Variants in PRLR observed in about 807,000 individuals in gnomAD.
PRLR encodes hPRL receptor.
A neutral mutation model predicts 40.2 loss-of-function variants in PRLR; 13 were observed. The ratio of observed to expected loss-of-function variants is 0.32; its 90% CI spans 0.21 to 0.51. The LOEUF (loss-of-function observed/expected upper bound fraction) is 0.51. PRLR is among the 20% of genes least tolerant of loss of function. The pLI, the probability that PRLR is intolerant of heterozygous loss-of-function variation, is 0.97. For synonymous variants in PRLR, 269 were observed against 278.7 expected (o/e 0.97, Z 0.35); for missense variants, 656 against 747.3 (o/e 0.88, Z 1.42).
intron 2 of PRLR, among the ~76,000 whole-genome samples, chr5:35,113,878 G>A (rs967960534): frequency 2.2e-4 from 33 of 152,192 alleles, no homozygotes; most frequent in Admixed American, 7.9e-4. Context: ...GTATAGCTGG[G>A]TCTGGCAGAC....
chr5:35,171,050 T>G (rs1220766609), intron 1 of PRLR, among the ~76,000 whole-genome samples: 1 of 92,080 alleles, frequency 1.1e-5, no homozygotes, highest in African/African-American at 6.0e-5. Flanking sequence ...TTTTTCCCTG[T>G]TTTTTTTTTT....
At chr5:35,206,143 TA>T (rs977146668) in intron 1 of PRLR, among the ~76,000 whole-genome samples, 6 of 152,010 alleles carry the variant, frequency 3.9e-5, no homozygotes, top group Non-Finnish European at 8.8e-5. Context: ...TGGGTTAGAT[TA>T]AAAGGGGTTG....
intron 9 of PRLR, among the ~76,000 whole-genome samples, chr5:35,067,364 T>C (rs1355696933): frequency 6.6e-6 from 1 of 152,140 alleles, no homozygotes; most frequent in Non-Finnish European, 1.5e-5. Context: ...GCTGAGACAT[T>C]CATGCTGGTT....
intron 9 of PRLR, among the ~76,000 whole-genome samples, chr5:35,066,422 T>C (rs1034720608): frequency 4.7e-4 from 71 of 152,302 alleles, no homozygotes; most frequent in Non-Finnish European, 5.9e-4. Context: ...AAACCCACAG[T>C]GCTTATGCAT....
intron 5 of PRLR, among the ~76,000 whole-genome samples, chr5:35,073,181 A>C (rs1769862092): frequency 6.6e-6 from 1 of 152,222 alleles, no homozygotes; most frequent in Non-Finnish European, 1.5e-5. Context: ...TTTTTTGTAA[A>C]TGAACTATTC....
At chr5:35,137,852 T>C (rs991315725) in intron 1 of PRLR, among the ~76,000 whole-genome samples, 1 of 152,146 alleles carries the variant, frequency 6.6e-6, no homozygotes, top group Non-Finnish European at 1.5e-5. Flanking sequence ...GCAGATTCGC[T>C]TGAACCCGGG....
chr5:35,211,061 A>C (rs1418374144), intron 1 of PRLR, among the ~76,000 whole-genome samples: 1 of 152,202 alleles, frequency 6.6e-6, no homozygotes, highest in Non-Finnish European at 1.5e-5. Context: ...TTCTATACAA[A>C]GAAGGATTTT....
intron 6 of PRLR, 46 bp from the exon 7 acceptor site, chr5:35,070,311 T>G: frequency 6.2e-7 from 1 of 1,601,152 alleles, no homozygotes; most frequent in Middle Eastern, 1.8e-4. Context: ...ACATTTGTTG[T>G]GAAGAAAGAG....
chr5:35,083,068 TACACACACACAC>T (rs3836809), intron 5 of PRLR, among the ~76,000 whole-genome samples: 10 of 144,732 alleles, frequency 6.9e-5, no homozygotes, highest in Admixed American at 1.4e-4. Flanking sequence ...GGTAAGGCAA[TACACACACACAC>T]ACACACACAC....
At chr5:35,223,764 T>A (rs1194397025) in intron 1 of PRLR, among the ~76,000 whole-genome samples, 1 of 152,252 alleles carries the variant, frequency 6.6e-6, no homozygotes, top group African/African-American at 2.4e-5. Flanking sequence ...TCTGTCCACC[T>A]TCCCAACTAG....
chr5:35,178,646 C>T (rs13175591), intron 1 of PRLR, among the ~76,000 whole-genome samples: 43,700 of 151,872 alleles, frequency 0.29, 6,436 homozygotes, highest in Middle Eastern at 0.34. Flanking sequence ...CACTGAATTA[C>T]GAAATGGAAG....
chr5:35,116,130 G>T (rs1302663735), intron 2 of PRLR, among the ~76,000 whole-genome samples: 1 of 152,080 alleles, frequency 6.6e-6, no homozygotes, highest in Non-Finnish European at 1.5e-5. Flanking sequence ...TGGAGGCTGG[G>T]TGCAGGGGTC....
At chr5:35,149,657 T>C (rs1167113444) in intron 1 of PRLR, among the ~76,000 whole-genome samples, 1 of 152,226 alleles carries the variant, frequency 6.6e-6, no homozygotes, top group East Asian at 1.9e-4. Context: ...ATCTTAAAGA[T>C]ACTACAATAT....
chr5:35,098,867 AC>A (rs1183166073), intron 2 of PRLR, among the ~76,000 whole-genome samples: 2 of 152,276 alleles, frequency 1.3e-5, no homozygotes, highest in East Asian at 3.9e-4. Context: ...TTCTAATTCA[AC>A]CCCTCACTTT....
chr5:35,208,104 G>A (rs943408939), intron 1 of PRLR, among the ~76,000 whole-genome samples: 7 of 151,690 alleles, frequency 4.6e-5, no homozygotes, highest in African/African-American at 1.7e-4. Flanking sequence ...TCGGACTGCC[G>A]CAGCCTCCCC....
At chr5:35,198,713 G>A (rs1255411684) in intron 1 of PRLR, among the ~76,000 whole-genome samples, 3 of 152,116 alleles carry the variant, frequency 2.0e-5, no homozygotes, top group South Asian at 2.1e-4. Flanking sequence ...CCACCACTTG[G>A]TCTTTGTTCT....
At chr5:35,117,900 T>C (rs1225583687) in intron 2 of PRLR, among the ~76,000 whole-genome samples, 161 bp downstream of exon 2, 1 of 152,174 alleles carries the variant, frequency 6.6e-6, no homozygotes, top group African/African-American at 2.4e-5. Context: ...CTGGGGAGAC[T>C]GAAACAGCCT....
intron 3 of PRLR, among the ~76,000 whole-genome samples, chr5:35,089,163 T>C (rs1771051181): frequency 6.6e-6 from 1 of 152,212 alleles, no homozygotes; most frequent in South Asian, 2.1e-4. Context: ...AGTTTTCATA[T>C]ACATTATTTC....
intron 9 of PRLR, among the ~76,000 whole-genome samples, chr5:35,067,068 TTTC>T (rs1235990114): frequency 6.6e-6 from 1 of 152,134 alleles, no homozygotes; most frequent in Admixed American, 6.5e-5. Flanking sequence ...CGGCCTCTTT[TTTC>T]TTATCCTCTG....
Sources: gnomAD v4.1 joint callset for allele counts (sites outside exome capture counted in the v4.1 genomes callset) on GRCh38, gnomAD v4.1.1 for gene constraint, MANE v1.5 for transcripts, NCBI Gene and HGNC (gene_info 2026-07-23, HGNC 2026-07-21) for gene names.